ANK2: variants seen among roughly 807,000 people sequenced by gnomAD.
The protein encoded by ANK2 is ankyrin 2.
Under a neutral mutation model 360.5 loss-of-function variants are expected in ANK2, and 83 were observed. The ratio of observed to expected loss-of-function variants is 0.23; its 90% CI spans 0.19 to 0.28. The LOEUF is 0.28. Among genes scored for constraint, ANK2 ranks in the 10% least tolerant of loss-of-function variants. The probability of loss-of-function intolerance (pLI) is 1.00; values close to 1 mark genes in which losing one functional copy is unlikely to be tolerated. For synonymous variants in ANK2, 1,740 were observed against 1,759.5 expected (o/e 0.99, Z 0.28); for missense variants, 4,201 against 4,795.7 (o/e 0.88, Z 3.66).
chr4:113,374,874 G>A, intron 45 of ANK2: 1 of 1,270,428 alleles, frequency 7.9e-7, no homozygotes, highest in Non-Finnish European at 1.0e-6. Flanking sequence ...TACTTGGAGA[G>A]AGGATGGAGA....
chr4:113,186,596 T>G (rs1482506495), intron 2 of ANK2, among the ~76,000 whole-genome samples: 1 of 124,934 alleles, frequency 8.0e-6, no homozygotes, highest in Non-Finnish European at 1.6e-5. Context: ...CTTCTCTCTC[T>G]CTCTCTCTCT....
At chr4:113,185,698 A>G (rs1162114000) in intron 2 of ANK2, among the ~76,000 whole-genome samples, 1 of 152,142 alleles carries the variant, frequency 6.6e-6, no homozygotes, top group Non-Finnish European at 1.5e-5. Flanking sequence ...CACTGTGCAG[A>G]AGCTCTTTAG....
the ANK2 span, among the ~76,000 whole-genome samples, chr4:112,757,274 G>A: frequency 8.6e-5 from 13 of 151,776 alleles, no homozygotes; most frequent in Admixed American, 6.6e-4. Context: ...CACCAAGCCC[G>A]GCTAATTTTC....
the ANK2 span, among the ~76,000 whole-genome samples, chr4:112,724,096 G>T: frequency 6.9e-6 from 1 of 144,692 alleles, no homozygotes; most frequent in Admixed American, 7.0e-5. Flanking sequence ...ACAGAGTGTC[G>T]CTCTGTCACC....
At chr4:113,126,479 T>A (rs1405133351) in intron 1 of ANK2, among the ~76,000 whole-genome samples, 1 of 152,076 alleles carries the variant, frequency 6.6e-6, no homozygotes, top group African/African-American at 2.4e-5. Context: ...CAATAAAATG[T>A]AAGTGGAACA....
intron 2 of ANK2, among the ~76,000 whole-genome samples, chr4:112,907,662 A>T (rs2085708394): frequency 6.6e-6 from 1 of 152,116 alleles, no homozygotes; most frequent in African/African-American, 2.4e-5. Flanking sequence ...TTTGAGGATA[A>T]TTTTTTTCTT....
chr4:113,208,442 T>C (rs2098980549), intron 4 of ANK2, among the ~76,000 whole-genome samples: 1 of 151,940 alleles, frequency 6.6e-6, no homozygotes, highest in Non-Finnish European at 1.5e-5. Flanking sequence ...CCTAACAGTA[T>C]AGATGGTAAT....
In ANK2 at chr4:113,035,242, A is replaced by ATT. The variant is rs1561630381; in HGVS notation, c.21+130728_21+130729insTT. The stretch of plus-strand genomic sequence containing the variant: ...GGATTTATCCAGTTGGAAAGAAAAT[A>ATT]CAGAGGCATATTAAGCAGTTAATGA... On this transcript the variant is annotated intron_variant, in intron 2 of 30. Transcript: ENST00000503271. Among the ~76,000 whole-genome samples, 10 of 151,776 alleles carry ATT rather than the reference A, an allele frequency of 6.6e-5. No individual in the cohort carries two copies. The East Asian group carries it at 1.4e-3, about 21-fold the overall frequency.
intron 1 of ANK2, among the ~76,000 whole-genome samples, chr4:113,114,673 G>T (rs72892012): frequency 0.012 from 1,811 of 152,190 alleles, 35 homozygotes; most frequent in African/African-American, 0.041. Flanking sequence ...TTACAAGAGA[G>T]TCTATATTGA....
rs186749901 is a variant in ANK2, at chr4:113,178,467, G to A, written c.186+3950G>A. 4.8e-3 allele frequency among the ~76,000 whole-genome samples: 735 copies of A among 151,756 alleles called. 3 individuals are homozygous for A. Among genetic ancestry groups the A allele is most frequent in the Non-Finnish European group, 9.0e-3 (611 of 67,950 alleles). On this transcript the variant is annotated intron_variant, in intron 2 of 45. Transcript: ENST00000357077. Reference sequence around the variant, plus strand: ...GGCGCCTGTAATTCCAGCTACTTGGGAGGCTGAGGTGGGGGAATTGCTTGA... The same window carrying A: ...GGCGCCTGTAATTCCAGCTACTTGGAAGGCTGAGGTGGGGGAATTGCTTGA...
chr4:112,845,263 A>G (rs1476872633), intron 1 of ANK2, among the ~76,000 whole-genome samples: 1 of 152,098 alleles, frequency 6.6e-6, no homozygotes, highest in African/African-American at 2.4e-5. Context: ...TGTAATCAAC[A>G]GTATAATCAA....
At chr4:112,826,553 G>C (rs957695355) in intron 1 of ANK2, 1 of 1,432,810 alleles carries the variant, frequency 7.0e-7, no homozygotes, top group African/African-American at 1.5e-5. Context: ...TTGCCCAGCC[G>C]GGCCCTGTCC....
intron 1 of ANK2, among the ~76,000 whole-genome samples, chr4:113,083,180 T>C (rs1355238486): frequency 6.6e-6 from 1 of 152,106 alleles, no homozygotes; most frequent in Non-Finnish European, 1.5e-5. Flanking sequence ...GTGTGCTGCA[T>C]TGTTGTTTTA....
intron 27 of ANK2, among the ~76,000 whole-genome samples, chr4:113,331,568 C>T (rs772540516): frequency 2.0e-5 from 3 of 152,160 alleles, no homozygotes; most frequent in Admixed American, 1.3e-4. Flanking sequence ...AGACCCTGTT[C>T]CCCTCGTGCT....
chr4:113,264,465 A>G (rs1008634271), intron 13 of ANK2, among the ~76,000 whole-genome samples: 8 of 152,206 alleles, frequency 5.3e-5, no homozygotes, highest in Non-Finnish European at 8.8e-5. Flanking sequence ...GAAACAACTC[A>G]AGAGTATCCT....
At chr4:113,068,856 T>G (rs909717651) in intron 1 of ANK2, among the ~76,000 whole-genome samples, 2 of 150,534 alleles carry the variant, frequency 1.3e-5, no homozygotes, top group African/African-American at 4.9e-5. Context: ...AGCCCAGGAG[T>G]TTGAGACAAG....
the ANK2 span, among the ~76,000 whole-genome samples, chr4:112,771,686 C>T: frequency 6.6e-6 from 1 of 151,696 alleles, no homozygotes; most frequent in African/African-American, 2.4e-5. Context: ...CCCGAGTTCA[C>T]GCCATTCTCT....
intron 1 of ANK2, chr4:112,880,774 GGTTGGTAAC>G (rs536234492): frequency 1.6e-4 from 25 of 152,124 alleles, no homozygotes; most frequent in African/African-American, 6.0e-4. Flanking sequence ...TTAGACCAGG[GGTTGGTAAC>G]TTCCTTATAA....
At chr4:113,055,685 T>C (rs12500377) in intron 1 of ANK2, among the ~76,000 whole-genome samples, 1 of 152,196 alleles carries the variant, frequency 6.6e-6, no homozygotes, top group Admixed American at 6.5e-5. Flanking sequence ...ATAACTCTCA[T>C]TGCATATTAT....
Sources: gnomAD v4.1 joint callset for allele counts (sites outside exome capture counted in the v4.1 genomes callset) on GRCh38, gnomAD v4.1.1 for gene constraint, MANE v1.5 for transcripts, NCBI Gene and HGNC (gene_info 2026-07-23, HGNC 2026-07-21) for gene names.